RBKS: variants seen among roughly 807,000 people sequenced by gnomAD.
The protein encoded by RBKS is ribokinase.
A neutral mutation model predicts 33.9 loss-of-function variants in RBKS; 33 were observed. The ratio of observed to expected loss-of-function variants is 0.97; its 90% CI spans 0.74 to 1.30. The LOEUF (loss-of-function observed/expected upper bound fraction) is 1.30, where lower values mean the gene tolerates loss of function less well. Ranked by LOEUF, RBKS falls within the 50% of genes most tolerant of loss-of-function variation. The pLI is 0.00. For missense variants in RBKS, 361 were observed against 392.6 expected (o/e 0.92, Z 0.68); for synonymous variants, 125 against 143.0 (o/e 0.87, Z 0.90).
chr2:27,819,778 C>T (rs151208068), intron 7 of RBKS, among the ~76,000 whole-genome samples: 35 of 152,242 alleles, frequency 2.3e-4, no homozygotes, highest in Non-Finnish European at 3.8e-4. Context: ...ATTTGAATGA[C>T]GAACAGAAAC....
intron 6 of RBKS, among the ~76,000 whole-genome samples, chr2:27,831,927 T>C (rs967652991): frequency 3.3e-5 from 5 of 152,112 alleles, no homozygotes; most frequent in African/African-American, 1.2e-4. Context: ...AAACAAAAAG[T>C]AGAAATTTAA....
chr2:27,816,585 A>G (rs1678097293), intron 7 of RBKS, among the ~76,000 whole-genome samples: 1 of 152,052 alleles, frequency 6.6e-6, no homozygotes, highest in Non-Finnish European at 1.5e-5. Flanking sequence ...GACTGTAGGT[A>G]AAACAATCTA....
At chr2:27,822,318 A>G (rs1678227032) in intron 7 of RBKS, among the ~76,000 whole-genome samples, 1 of 152,142 alleles carries the variant, frequency 6.6e-6, no homozygotes, top group South Asian at 2.1e-4. Context: ...TACTGGTGGC[A>G]GTGACAAGGG....
At chr2:27,845,597 T>C (rs961004555) in intron 4 of RBKS, among the ~76,000 whole-genome samples, 3 of 152,194 alleles carry the variant, frequency 2.0e-5, no homozygotes, top group South Asian at 2.1e-4. Flanking sequence ...TTGGCAGGAA[T>C]AGTTACTTAA....
intron 2 of RBKS, among the ~76,000 whole-genome samples, chr2:27,851,603 A>G (rs1020790915): frequency 6.6e-6 from 1 of 151,256 alleles, no homozygotes; most frequent in Non-Finnish European, 1.5e-5. Context: ...CAATGGTGCG[A>G]TCTCCGCTCA....
intron 5 of RBKS, among the ~76,000 whole-genome samples, chr2:27,834,879 A>T (rs1428747987): frequency 6.6e-6 from 1 of 152,236 alleles, no homozygotes; most frequent in Non-Finnish European, 1.5e-5. Flanking sequence ...CATCCTACAG[A>T]AATCCATAAG....
At chr2:27,846,982 G>C in intron 4 of RBKS, 60 bp downstream of exon 4, 1 of 1,212,486 alleles carries the variant, frequency 8.2e-7, no homozygotes. Context: ...TGATGCTTCT[G>C]ATCTAACTCT....
intron 5 of RBKS, among the ~76,000 whole-genome samples, chr2:27,834,498 C>T (rs1340314382): frequency 2.0e-5 from 3 of 152,164 alleles, no homozygotes; most frequent in South Asian, 2.1e-4. Context: ...TAGCCCAACA[C>T]CCCCGCCTGT....
intron 2 of RBKS, among the ~76,000 whole-genome samples, chr2:27,851,959 G>T (rs189284375): frequency 1.3e-5 from 2 of 152,290 alleles, no homozygotes; most frequent in East Asian, 3.9e-4. Context: ...TTTGACTACA[G>T]CAGTGAAATA....
At chr2:27,826,926 T>C (rs935185994) in intron 7 of RBKS, among the ~76,000 whole-genome samples, 1 of 152,200 alleles carries the variant, frequency 6.6e-6, no homozygotes, top group African/African-American at 2.4e-5. Context: ...ACCAGCAATG[T>C]GATCCTGTAC....
At chr2:27,798,636 C>T (rs1315020271) in intron 7 of RBKS, among the ~76,000 whole-genome samples, 1 of 152,180 alleles carries the variant, frequency 6.6e-6, no homozygotes, top group Non-Finnish European at 1.5e-5. Context: ...AGCCCATCCT[C>T]TACACTACTG....
chr2:27,831,884 C>T (rs1472082142), intron 6 of RBKS, among the ~76,000 whole-genome samples: 1 of 132,662 alleles, frequency 7.5e-6, no homozygotes, highest in Non-Finnish European at 1.5e-5. Flanking sequence ...CACTGCATTC[C>T]AACCTGGGTG....
At chr2:27,808,529 C>T (rs1573041576) in intron 7 of RBKS, among the ~76,000 whole-genome samples, 1 of 152,200 alleles carries the variant, frequency 6.6e-6, no homozygotes, top group Non-Finnish European at 1.5e-5. Context: ...ACCTACCTCA[C>T]AGGTTGGTGC....
Position 27,861,663 on chromosome 2 carries a change from T to TTG in RBKS, c.90-3093_90-3092insCA, listed in dbSNP as rs1553380057. 4.8e-5 allele frequency: 15 copies of TTG among 313,184 alleles called. No homozygotes were observed. The East Asian group carries it at 6.7e-4, about 14-fold the overall frequency. 19.4% of individuals were successfully genotyped at this position (313,184 alleles called of 1,614,324 possible). A position where few individuals can be genotyped will look rare whatever the true frequency, so the allele number is the denominator to read the frequency against. On this transcript the variant is annotated intron_variant, in intron 1 of 7. Transcript: ENST00000302188. ...GAGATTAGTATGTTCCATTTCTTTT[T>TTG]GGGGGGGGGGTGGAGTCTCACTTTG...
intron 1 of RBKS, among the ~76,000 whole-genome samples, chr2:27,868,959 T>C (rs141129299): frequency 6.6e-6 from 1 of 152,316 alleles, no homozygotes; most frequent in Non-Finnish European, 1.5e-5. Context: ...AAACACTTTA[T>C]AACTATCAAT....
At chr2:27,871,808 A>G (rs1371295167) in intron 1 of RBKS, among the ~76,000 whole-genome samples, 2 of 152,210 alleles carry the variant, frequency 1.3e-5, no homozygotes, top group South Asian at 4.1e-4. Flanking sequence ...GGGTTTTGAT[A>G]TAAGTCTGCA....
intron 7 of RBKS, among the ~76,000 whole-genome samples, chr2:27,801,981 TATATATA>T (rs1192550253): frequency 3.0e-5 from 3 of 99,946 alleles, no homozygotes; most frequent in African/African-American, 1.3e-4. Context: ...TATATATATA[TATATATA>T]TATATTTTTT....
intron 7 of RBKS, among the ~76,000 whole-genome samples, chr2:27,797,793 C>T (rs181265037): frequency 3.5e-4 from 53 of 152,150 alleles, no homozygotes; most frequent in Middle Eastern, 6.8e-3. Flanking sequence ...GATGAACAGT[C>T]GGAGAGTCTG....
At chr2:27,787,738 A>G (rs1254018788) in intron 7 of RBKS, among the ~76,000 whole-genome samples, 1 of 152,228 alleles carries the variant, frequency 6.6e-6, no homozygotes, top group Non-Finnish European at 1.5e-5. Context: ...CCAAGGAAAC[A>G]CTATAATGCT....
Sources: gnomAD v4.1 joint callset for allele counts (sites outside exome capture counted in the v4.1 genomes callset) on GRCh38, gnomAD v4.1.1 for gene constraint, MANE v1.5 for transcripts, NCBI Gene and HGNC (gene_info 2026-07-23, HGNC 2026-07-21) for gene names.